Variants in ERC1 observed in about 807,000 individuals in gnomAD.
The protein encoded by ERC1 is ELKS/RAB6-interacting/CAST family member 1.
A neutral mutation model predicts 132.0 loss-of-function variants in ERC1; 56 were observed. The ratio of observed to expected loss-of-function variants is 0.42; its 90% confidence interval spans 0.34 to 0.53. The LOEUF (loss-of-function observed/expected upper bound fraction) is 0.53, where lower values mean the gene tolerates loss of function less well. ERC1 is among the 20% of genes least tolerant of loss of function. ERC1 has a pLI of 0.03. For synonymous variants in ERC1, 478 were observed against 476.1 expected, an observed-to-expected ratio of 1.00 and a Z score of -0.05; for missense variants, 1,202 against 1,349.9, an observed-to-expected ratio of 0.89 and a Z score of 1.72.
chr12:1,213,055 C>G (rs202116384), intron 12 of ERC1, among the ~76,000 whole-genome samples: 1 of 152,170 alleles, frequency 6.6e-6, no homozygotes, highest in East Asian at 1.9e-4. Flanking sequence ...TTTTAGTTGT[C>G]TAGTAATCCC....
At chr12:1,453,444 G>A (rs900025825) in intron 18 of ERC1, among the ~76,000 whole-genome samples, 2 of 152,148 alleles carry the variant, frequency 1.3e-5, no homozygotes, top group Non-Finnish European at 2.9e-5. Context: ...CTTTTCCCTT[G>A]TTCTAAAATG....
At chr12:1,142,490 A>G (rs1450922229) in intron 8 of ERC1, among the ~76,000 whole-genome samples, 6 of 152,196 alleles carry the variant, frequency 3.9e-5, no homozygotes, top group Non-Finnish European at 8.8e-5. Flanking sequence ...TATTTCTAGG[A>G]TAAAGTCCTT....
At chr12:1,488,497 G>A (rs1005492113) in intron 18 of ERC1, among the ~76,000 whole-genome samples, 15 of 152,112 alleles carry the variant, frequency 9.9e-5, no homozygotes, top group African/African-American at 2.9e-4. Flanking sequence ...CAAGACAAGC[G>A]TAGGCAATAT....
Position 1,182,056 on chromosome 12 carries a change from A to G in ERC1, c.2007A>G (p.Ser669=). The change falls in exon 10 of 19, where the codon TCA becomes TCG. Residue 669 remains serine, a synonymous_variant. Coordinates refer to ENST00000360905, the MANE Select transcript of ERC1 (RefSeq NM_178040.4). ...TCAGCCTGTTGCAAGGCGACCTTTC[A>G]GAGAAAGAGGTTAAGCTCCCCAAAA... ...EKVSLLQGDL[S]EKEASLLDLK... The G allele has an allele frequency of 1.2e-6, 2 of 1,613,946 alleles. No individual in the cohort carries two copies. The highest frequency in any genetic ancestry group is 3.3e-5 in the Admixed American group (2 of 59,998).
intron 16 of ERC1, among the ~76,000 whole-genome samples, chr12:1,403,870 T>C (rs186930343): frequency 6.9e-4 from 105 of 152,314 alleles, no homozygotes; most frequent in Middle Eastern, 6.8e-3. Context: ...CCTGTTAAAG[T>C]CAACATGGAA....
At chr12:1,352,615 CCA>C (rs140909018) in intron 15 of ERC1, among the ~76,000 whole-genome samples, 7,695 of 150,934 alleles carry the variant, frequency 0.051, 288 homozygotes, top group African/African-American at 0.1. Flanking sequence ...AGTAAACCCC[CCA>C]CACACACAAA....
intron 15 of ERC1, among the ~76,000 whole-genome samples, chr12:1,363,642 C>T (rs1426109764): frequency 6.7e-6 from 1 of 150,282 alleles, no homozygotes; most frequent in African/African-American, 2.5e-5. Flanking sequence ...GCAGCCTCGA[C>T]CTCCTGGGCT....
chr12:1,462,407 T>C (rs573700269), intron 18 of ERC1, among the ~76,000 whole-genome samples: 2 of 152,230 alleles, frequency 1.3e-5, no homozygotes, highest in Admixed American at 1.3e-4. Context: ...CTGGAAAAAG[T>C]CCAAAAGTGG....
At chr12:1,082,027 CTTGTTTGT>C (rs10560159) in intron 2 of ERC1, among the ~76,000 whole-genome samples, 7 of 151,428 alleles carry the variant, frequency 4.6e-5, no homozygotes, top group Admixed American at 2.6e-4. Flanking sequence ...TTCGGTTTTG[CTTGTTTGT>C]TTGTTTGTTT....
chr12:1,396,347 G>A (rs530353361), intron 16 of ERC1, among the ~76,000 whole-genome samples: 2 of 152,264 alleles, frequency 1.3e-5, no homozygotes, highest in South Asian at 2.1e-4. Context: ...TTAATCGTAG[G>A]AAAGGTGGGA....
At chr12:1,349,234 CAAG>C (rs1468474340) in intron 15 of ERC1, among the ~76,000 whole-genome samples, 2 of 152,156 alleles carry the variant, frequency 1.3e-5, no homozygotes, top group Non-Finnish European at 2.9e-5. Flanking sequence ...AGGGTTTCTA[CAAG>C]AAGAAGCATA....
At chr12:1,186,745 T>C (rs1955135215) in intron 11 of ERC1, among the ~76,000 whole-genome samples, 1 of 152,214 alleles carries the variant, frequency 6.6e-6, no homozygotes, top group Non-Finnish European at 1.5e-5. Flanking sequence ...ACCTTTCATA[T>C]TGATACCATG....
intron 15 of ERC1, among the ~76,000 whole-genome samples, chr12:1,327,587 A>G (rs1428751268): frequency 2.0e-5 from 3 of 152,098 alleles, no homozygotes; most frequent in African/African-American, 4.8e-5. Context: ...GATGGTCTCT[A>G]TGAGTCCACT....
rs938626868 is a variant in ERC1, at chr12:1,327,610, CTCT to C, written c.2780+37605_2780+37607del. On this transcript the variant is annotated intron_variant, in intron 15 of 18. Coordinates refer to ENST00000360905, the MANE Select transcript of ERC1 (RefSeq NM_178040.4). ...CTATGAGTCCACTTTTAGCTCCCTT[CTCT>C]TCTTCTATACTTTCTTCCCCTATAT... 4.1e-4 allele frequency among the ~76,000 whole-genome samples: 62 copies of C among 152,270 alleles called. No homozygotes were observed. In the Middle Eastern group the frequency reaches 0.02, roughly 50 times the overall value.
chr12:1,111,975 C>T (rs1029300895), intron 5 of ERC1, among the ~76,000 whole-genome samples: 5 of 152,036 alleles, frequency 3.3e-5, no homozygotes, highest in South Asian at 2.1e-4. Flanking sequence ...GACATAGTGC[C>T]GTATGATCTC....
chr12:1,327,615 C>A (rs2082542581), intron 15 of ERC1, among the ~76,000 whole-genome samples: 1 of 152,144 alleles, frequency 6.6e-6, no homozygotes, highest in South Asian at 2.1e-4. Flanking sequence ...CCCTTCTCTT[C>A]TTCTATACTT....
intron 18 of ERC1, among the ~76,000 whole-genome samples, chr12:1,487,888 C>T (rs1281616266): frequency 6.6e-6 from 1 of 151,976 alleles, no homozygotes; most frequent in Non-Finnish European, 1.5e-5. Context: ...CCTGTAATCC[C>T]AACACTTTGG....
intron 8 of ERC1, among the ~76,000 whole-genome samples, chr12:1,176,318 C>CT (rs1339703814): frequency 6.6e-6 from 1 of 152,270 alleles, no homozygotes; most frequent in East Asian, 1.9e-4. Context: ...TGAAAGGAAT[C>CT]TTTTTTTCTG....
chr12:1,319,143 A>T (rs141008069), intron 15 of ERC1, among the ~76,000 whole-genome samples: 1 of 152,100 alleles, frequency 6.6e-6, no homozygotes, highest in Admixed American at 6.5e-5. Flanking sequence ...TTTATGTTCT[A>T]TAGTGATACT....
Sources: allele counts gnomAD v4.1 joint callset (sites outside exome capture counted in the v4.1 genomes callset), GRCh38; gene constraint gnomAD v4.1.1; transcripts MANE v1.5; gene names NCBI Gene and HGNC (gene_info 2026-07-23, HGNC 2026-07-21).